SCP2: variants seen among roughly 807,000 people sequenced by gnomAD.
SCP2 encodes the protein SCP-2/3-oxoacyl-CoA thiolase.
A neutral mutation model predicts 71.4 loss-of-function variants in SCP2; 48 were observed. The ratio of observed to expected loss-of-function variants is 0.67; its 90% CI spans 0.53 to 0.86. The LOEUF (loss-of-function observed/expected upper bound fraction) is 0.86. SCP2 is among the 40% of genes least tolerant of loss of function. The pLI is 0.00. For missense variants in SCP2, 560 were observed against 655.6 expected, an observed-to-expected ratio of 0.85 and a Z score of 1.59; for synonymous variants, 220 against 218.1, an observed-to-expected ratio of 1.01 and a Z score of -0.08.
chr1:52,990,317 C>T (rs1188422863), intron 11 of SCP2, among the ~76,000 whole-genome samples: 1 of 151,576 alleles, frequency 6.6e-6, no homozygotes, highest in Admixed American at 6.6e-5. Flanking sequence ...GACCTATGTA[C>T]CTAGGAAAAA....
intron 6 of SCP2, among the ~76,000 whole-genome samples, chr1:52,964,773 G>A (rs560657051): frequency 1.2e-4 from 18 of 152,204 alleles, no homozygotes; most frequent in African/African-American, 4.1e-4. Flanking sequence ...CCAGCACTTT[G>A]GGAGGCCAAG....
At chr1:52,950,706 A>C (rs1036079765) in intron 3 of SCP2, 49 bp from the exon 4 acceptor site, 4 of 1,522,610 alleles carry the variant, frequency 2.6e-6, no homozygotes, top group African/African-American at 1.4e-5. Flanking sequence ...ATTATGTTGC[A>C]TTGCAACTCC....
chr1:52,933,347 G>A (rs1653340836), intron 1 of SCP2, among the ~76,000 whole-genome samples: 1 of 152,126 alleles, frequency 6.6e-6, no homozygotes, highest in African/African-American at 2.4e-5. Flanking sequence ...GGCACTTTGG[G>A]AGGCCGAGGC....
At chr1:53,000,723 G>A (rs1396894771) in intron 11 of SCP2, among the ~76,000 whole-genome samples, 1 of 152,142 alleles carries the variant, frequency 6.6e-6, no homozygotes, top group African/African-American at 2.4e-5. Flanking sequence ...TTGGGAGGCT[G>A]AGGCGGGCAG....
chr1:53,024,934 C>CA (rs1211868195), intron 12 of SCP2, among the ~76,000 whole-genome samples: 6 of 151,862 alleles, frequency 4.0e-5, no homozygotes, highest in Admixed American at 3.9e-4. Flanking sequence ...TCCCCCCCAC[C>CA]AAAAAAATCC....
chr1:53,016,472 CAG>C (rs1036150912), intron 12 of SCP2, among the ~76,000 whole-genome samples: 1 of 151,960 alleles, frequency 6.6e-6, no homozygotes, highest in Non-Finnish European at 1.5e-5. Flanking sequence ...TTTTTTGAGA[CAG>C]AGTCTTGTAT....
In SCP2 at chr1:52,960,742, G is replaced by A. The variant is rs190074945; in HGVS notation, c.397-761G>A. Among the ~76,000 whole-genome samples, 49 of 149,232 alleles carry A rather than the reference G, an allele frequency of 3.3e-4. 1 individual carries two copies. The highest frequency in any genetic ancestry group is 8.4e-4 in the South Asian group (4 of 4,742). ...CGTGTGTGTGTGTGTGTGTGTGTGT[G>A]TATATTTATTTATTTATTCATTCCC... On this transcript the variant is annotated intron_variant, in intron 5 of 15. Transcript: ENST00000371514.
chr1:52,954,778 ATGAGTAAGGGAAGCCT>A lies in SCP2; in HGVS notation c.373_388del (p.Ser125GlufsTer2), dbSNP rs1288613371. Reference sequence around the variant, plus strand: ...TGTCTTGGCTCTTGGGTTTGAGAAGATGAGTAAGGGAAGCCTTGGAATAAAAGTGAGTGTTATTTTG... The same window carrying A: ...TGTCTTGGCTCTTGGGTTTGAGAAGATGGAATAAAAGTGAGTGTTATTTTG... On this transcript the variant is annotated frameshift_variant, in exon 5 of 16. Transcript: ENST00000371514. LOFTEE classifies it high-confidence loss of function. 1.9e-6 allele frequency: 3 copies of A among 1,613,830 alleles called. No homozygotes were observed. The highest frequency in any genetic ancestry group is 2.5e-6 in the Non-Finnish European group (3 of 1,179,720).
At chr1:52,945,102 A>G (rs919481331) in intron 2 of SCP2, among the ~76,000 whole-genome samples, 1 of 152,136 alleles carries the variant, frequency 6.6e-6, no homozygotes, top group African/African-American at 2.4e-5. Flanking sequence ...CCTAGTCACT[A>G]TTAGTATCTT....
chr1:52,930,404 C>T (rs79906090), intron 1 of SCP2, among the ~76,000 whole-genome samples: 4,095 of 151,878 alleles, frequency 0.027, 147 homozygotes, highest in East Asian at 0.19. Context: ...GTGGGTGTAT[C>T]TCTTGAGCCC....
In SCP2 at chr1:52,950,787, C is replaced by T; in HGVS notation, c.232C>T (p.His78Tyr). 1 of 1,613,642 alleles carries T rather than the reference C, an allele frequency of 6.2e-7. No homozygotes were observed. Among genetic ancestry groups the T allele is most frequent in the South Asian group, 1.1e-5 (1 of 91,062 alleles). The stretch of plus-strand genomic sequence containing the variant: ...TACCTGTGGGCAGAGGGCTATCTAT[C>T]ACAGTTTGGGAATGACTGGAATTCC... ...DSTCGQRAIY[H>Y]SLGMTGIPII... The change falls in exon 4 of 16, where the codon CAC (histidine) becomes TAC (tyrosine). Residue 78 changes from histidine (H) to tyrosine (Y), a missense_variant. Around this residue, in one of 3 missense-constraint regions of SCP2, gnomAD observed 513 missense variants for 573.1 expected, o/e 0.90. Coordinates refer to ENST00000371514, the MANE Select transcript of SCP2 (RefSeq NM_002979.5).
chr1:52,984,997 G>A (rs532189575), intron 10 of SCP2, among the ~76,000 whole-genome samples: 54 of 150,394 alleles, frequency 3.6e-4, no homozygotes, highest in African/African-American at 1.3e-3. Flanking sequence ...ACACCACCAC[G>A]CCCGGCTAAT....
chr1:52,930,141 A>T (rs1360832725), intron 1 of SCP2, among the ~76,000 whole-genome samples: 3 of 152,230 alleles, frequency 2.0e-5, no homozygotes, highest in African/African-American at 7.2e-5. Context: ...CCTTATAGTC[A>T]GAACATGTAA....
intron 6 of SCP2, chr1:52,963,709 C>G (rs1656685972): frequency 6.6e-6 from 1 of 152,128 alleles, no homozygotes; most frequent in South Asian, 2.1e-4. Context: ...AATATAACAA[C>G]TATTTTAAGA....
intron 5 of SCP2, among the ~76,000 whole-genome samples, chr1:52,957,573 G>C (rs1316282140): frequency 6.6e-6 from 1 of 152,222 alleles, no homozygotes; most frequent in Non-Finnish European, 1.5e-5. Flanking sequence ...TCAATTAACA[G>C]TTGAACACCT....
intron 6 of SCP2, among the ~76,000 whole-genome samples, chr1:52,962,333 T>G (rs961333350): frequency 6.6e-6 from 1 of 152,174 alleles, no homozygotes; most frequent in African/African-American, 2.4e-5. Context: ...TCACCATTTC[T>G]GCTACTTTTG....
intron 11 of SCP2, among the ~76,000 whole-genome samples, chr1:53,011,853 G>C (rs116438986): frequency 6.6e-6 from 1 of 152,158 alleles, no homozygotes; most frequent in African/African-American, 2.4e-5. Context: ...AGGAAAAACA[G>C]CTTGCTTTTT....
At chr1:52,947,143 A>G (rs1654878541) in intron 2 of SCP2, among the ~76,000 whole-genome samples, 2 of 147,286 alleles carry the variant, frequency 1.4e-5, no homozygotes, top group Non-Finnish European at 3.0e-5. Context: ...TCACTTTGGG[A>G]AGCCAAAGTG....
intron 12 of SCP2, among the ~76,000 whole-genome samples, chr1:53,017,519 T>C (rs1661418885): frequency 6.6e-6 from 1 of 152,228 alleles, no homozygotes; most frequent in South Asian, 2.1e-4. Context: ...CGTTATTGTG[T>C]GTATCAGTAA....
Sources: allele counts gnomAD v4.1 joint callset (sites outside exome capture counted in the v4.1 genomes callset), GRCh38; gene constraint gnomAD v4.1.1; regional missense constraint gnomAD v4.1.1; transcripts MANE v1.5; gene names NCBI Gene and HGNC (gene_info 2026-07-23, HGNC 2026-07-21).